TJP1: variants seen among roughly 807,000 people sequenced by gnomAD.
The protein encoded by TJP1 is tight junction protein ZO-1.
A neutral mutation model predicts 194.2 loss-of-function variants in TJP1; 43 were observed. That is an observed-to-expected ratio of 0.22 (90% CI 0.17 to 0.29). The LOEUF is 0.29. Among genes scored for constraint, TJP1 ranks in the 10% least tolerant of loss-of-function variants. TJP1 has a pLI of 1.00. For missense variants in TJP1, 1,971 were observed against 2,185.7 expected (o/e 0.90, Z 1.96); for synonymous variants, 801 against 779.0 (o/e 1.03, Z -0.47).
chr15:29,761,388 T>C (rs533627173), intron 7 of TJP1, 102 bp from the exon 8 acceptor site: 40 of 1,417,898 alleles, frequency 2.8e-5, no homozygotes, highest in Non-Finnish European at 3.6e-5. Flanking sequence ...TAAAATTATA[T>C]ATAAAATGGA....
chr15:29,905,158 G>T (rs542617044), intron 2 of TJP1, among the ~76,000 whole-genome samples: 1 of 152,292 alleles, frequency 6.6e-6, no homozygotes, highest in African/African-American at 2.4e-5. Context: ...AGTGTGAAAA[G>T]TACAGTCATC....
intron 4 of TJP1, among the ~76,000 whole-genome samples, chr15:29,771,532 G>T (rs917974713): frequency 2.0e-5 from 3 of 152,194 alleles, no homozygotes; most frequent in Non-Finnish European, 2.9e-5. Context: ...TTGGCCGGGC[G>T]TGGTGGCTCA....
chr15:29,903,802 CA>C (rs1206235129), intron 2 of TJP1, among the ~76,000 whole-genome samples: 1 of 152,124 alleles, frequency 6.6e-6, no homozygotes, highest in East Asian at 1.9e-4. Context: ...TTTCTGAAAT[CA>C]GGGGAACTTC....
chr15:29,919,268 C>A (rs2054281720), intron 2 of TJP1, among the ~76,000 whole-genome samples: 1 of 152,170 alleles, frequency 6.6e-6, no homozygotes, highest in Non-Finnish European at 1.5e-5. Context: ...GCAGAAAAGT[C>A]CCAGGAACAG....
At position 29,708,646 on chromosome 15, in the gene TJP1, C is replaced by G; in HGVS notation, c.4763G>C (p.Ser1588Thr). 1 of 1,614,230 alleles carries G rather than the reference C, an allele frequency of 6.2e-7. No individual in the cohort carries two copies. The highest frequency in any genetic ancestry group is 8.5e-7 in the Non-Finnish European group (1 of 1,180,038). ...HSLAQPPEFD[S>T]GVETFSIHAE... ...ATGGATAGAGAAAGTTTCAACTCCACTGTCAAACTCAGGAGGCTGTGCCAA... is the reference window on the plus strand; with the variant it reads ...ATGGATAGAGAAAGTTTCAACTCCAGTGTCAAACTCAGGAGGCTGTGCCAA... Residue 1588 changes from serine to threonine, a missense_variant, in exon 25 of 28, where the codon AGT becomes ACT. Ser to Thr is a moderately conservative substitution (Grantham distance 58). Coordinates refer to ENST00000614355, the MANE Select transcript of TJP1 (RefSeq NM_001330239.4).
intron 1 of TJP1, among the ~76,000 whole-genome samples, chr15:29,959,230 C>G (rs2337253): frequency 0.59 from 89,613 of 151,244 alleles, 26,929 homozygotes; most frequent in Non-Finnish European, 0.64. Context: ...ACCTCGTGAT[C>G]TGCCCACCAT....
chr15:29,899,337 C>CAAA (rs1555448865), intron 2 of TJP1, among the ~76,000 whole-genome samples: 26 of 152,302 alleles, frequency 1.7e-4, no homozygotes, highest in Non-Finnish European at 2.9e-4. Context: ...TATTCCTTTC[C>CAAA]TATTGCAATT....
chr15:29,813,295 TTAC>T (rs1479299970), intron 1 of TJP1, among the ~76,000 whole-genome samples: 1 of 152,200 alleles, frequency 6.6e-6, no homozygotes, highest in African/African-American at 2.4e-5. Flanking sequence ...CAAAAGAAGC[TTAC>T]TACCTTTTGC....
Position 29,762,455 on chromosome 15 carries a change from A to T in TJP1, c.590-17T>A. The T allele has an allele frequency of 6.3e-7, 1 of 1,598,338 alleles. No individual in the cohort carries two copies. Among genetic ancestry groups the T allele is most frequent in the South Asian group, 1.1e-5 (1 of 90,336 alleles). The stretch of plus-strand genomic sequence containing the variant: ...GACCATATTCTGAAATAATGTAAGT[A>T]AGTGTTTTTAGTATAACATCCTAAG... On this transcript the variant is annotated splice_polypyrimidine_tract_variant and intron_variant, in intron 5 of 27. Transcript: ENST00000614355.
intron 2 of TJP1, among the ~76,000 whole-genome samples, chr15:29,949,754 TTCACCACCACTACCTC>T: frequency 6.3e-5 from 4 of 63,534 alleles, no homozygotes; most frequent in Admixed American, 3.8e-4. Context: ...CACCTCCACT[TTCACCACCACTACCTC>T]CACCACCTCC....
chr15:29,766,616 A>G (rs1295093014), intron 4 of TJP1, 74 bp from the exon 5 acceptor site: 58 of 1,405,642 alleles, frequency 4.1e-5, no homozygotes, highest in Non-Finnish European at 5.3e-5. Flanking sequence ...AGAGAAAGGA[A>G]TATTACACTT....
intron 1 of TJP1, among the ~76,000 whole-genome samples, chr15:29,963,952 C>T (rs1198392932): frequency 6.6e-6 from 1 of 152,158 alleles, no homozygotes; most frequent in African/African-American, 2.4e-5. Flanking sequence ...GTGCCCAGCC[C>T]ACTGTAAATA....
intron 1 of TJP1, among the ~76,000 whole-genome samples, chr15:29,803,701 A>T (rs1449155800): frequency 6.6e-6 from 1 of 152,150 alleles, no homozygotes; most frequent in Non-Finnish European, 1.5e-5. Context: ...CTATACATTA[A>T]GGTCTTAATG....
At position 29,705,764 on chromosome 15, in the gene TJP1, C is replaced by G; in HGVS notation, c.4851-19G>C. 1 of 1,609,998 alleles carries G rather than the reference C, an allele frequency of 6.2e-7. No individual in the cohort carries two copies. Among genetic ancestry groups the G allele is most frequent in the Non-Finnish European group, 8.5e-7 (1 of 1,176,384 alleles). On this transcript the variant is annotated intron_variant, in intron 25 of 27. Coordinates refer to ENST00000614355, the MANE Select transcript of TJP1 (RefSeq NM_001330239.4). ...TGAAGGACTGAAAGTTCAGAAATGG[C>G]TAGTGAGTGAATTCCTAATAATACA...
chr15:29,798,148 T>G (rs1169023235), intron 2 of TJP1, among the ~76,000 whole-genome samples: 1 of 152,154 alleles, frequency 6.6e-6, no homozygotes, highest in Non-Finnish European at 1.5e-5. Context: ...AATTTTTGTA[T>G]TTTTAGTAGA....
chr15:29,748,563 T>G (rs80348387), intron 8 of TJP1, among the ~76,000 whole-genome samples: 1,125 of 104,604 alleles, frequency 0.011, 7 homozygotes, highest in South Asian at 0.027. Flanking sequence ...CCTTCCTAAT[T>G]CTTTTTTTTT....
chr15:29,797,057 T>C (rs937527715), intron 2 of TJP1, among the ~76,000 whole-genome samples: 4 of 152,238 alleles, frequency 2.6e-5, no homozygotes, highest in African/African-American at 9.6e-5. Flanking sequence ...AAAATTATTC[T>C]TGATTTTGGG....
At chr15:29,810,219 T>G (rs1050564108) in intron 1 of TJP1, among the ~76,000 whole-genome samples, 1 of 152,108 alleles carries the variant, frequency 6.6e-6, no homozygotes, top group Admixed American at 6.5e-5. Flanking sequence ...GAAGACACAA[T>G]GAATGAAGTA....
At chr15:29,750,393 C>T (rs1301799646) in intron 8 of TJP1, among the ~76,000 whole-genome samples, 2 of 152,136 alleles carry the variant, frequency 1.3e-5, no homozygotes, top group Non-Finnish European at 2.9e-5. Flanking sequence ...CTCGCCTCGG[C>T]CTCCCAAAGT....
Sources: gnomAD v4.1 joint callset for allele counts (sites outside exome capture counted in the v4.1 genomes callset) on GRCh38, gnomAD v4.1.1 for gene constraint, MANE v1.5 for transcripts, NCBI Gene and HGNC (gene_info 2026-07-23, HGNC 2026-07-21) for gene names.